GTF2F2: variants seen among roughly 807,000 people sequenced by gnomAD.
GTF2F2 encodes ATP-dependent helicase GTF2F2.
In GTF2F2, 23 loss-of-function variants were observed where a neutral mutation model predicts 42.2. That is an observed-to-expected ratio of 0.55 (90% CI 0.39 to 0.77). The LOEUF (loss-of-function observed/expected upper bound fraction) is 0.77. GTF2F2 is among the 30% of genes least tolerant of loss of function. GTF2F2 has a pLI of 0.00. For synonymous variants in GTF2F2, 105 were observed against 100.8 expected (o/e 1.04, Z -0.25); for missense variants, 261 against 287.2 (o/e 0.91, Z 0.66).
chr13:45,196,727 C>A (rs1421770942), intron 4 of GTF2F2, among the ~76,000 whole-genome samples: 1 of 152,168 alleles, frequency 6.6e-6, no homozygotes, highest in Non-Finnish European at 1.5e-5. Flanking sequence ...ACTATGTACT[C>A]TGGGTCTGCT....
chr13:45,149,663 A>C (rs905207118), intron 2 of GTF2F2, 107 bp from the exon 3 acceptor site: 1 of 1,125,308 alleles, frequency 8.9e-7, no homozygotes. Context: ...ATCTCTGTAA[A>C]TGTAATATTT....
At chr13:45,162,713 A>G (rs1431772602) in intron 4 of GTF2F2, among the ~76,000 whole-genome samples, 1 of 152,238 alleles carries the variant, frequency 6.6e-6, no homozygotes, top group African/African-American at 2.4e-5. Context: ...GGAGGATTAA[A>G]AGAAACCGCA....
At chr13:45,264,071 AAC>A (rs1403759017) in intron 6 of GTF2F2, among the ~76,000 whole-genome samples, 1 of 152,158 alleles carries the variant, frequency 6.6e-6, no homozygotes. Context: ...GAAGAAAAAA[AAC>A]AGTTTTTGTT....
At chr13:45,242,280 T>C (rs532012695) in intron 5 of GTF2F2, among the ~76,000 whole-genome samples, 1 of 146,286 alleles carries the variant, frequency 6.8e-6, no homozygotes. Context: ...TTTTTTTTTT[T>C]AACTTGACTT....
intron 5 of GTF2F2, among the ~76,000 whole-genome samples, chr13:45,231,417 T>C (rs1397862640): frequency 6.6e-6 from 1 of 152,196 alleles, no homozygotes; most frequent in East Asian, 1.9e-4. Flanking sequence ...TTTTCATTCT[T>C]GAATTTAAAG....
At chr13:45,236,457 T>C (rs1252783783) in intron 5 of GTF2F2, among the ~76,000 whole-genome samples, 1 of 151,348 alleles carries the variant, frequency 6.6e-6, no homozygotes, top group East Asian at 1.9e-4. Flanking sequence ...TGCTAAGTGC[T>C]CTCTAAATTG....
At chr13:45,239,890 T>A (rs1425798374) in intron 5 of GTF2F2, among the ~76,000 whole-genome samples, 2 of 152,098 alleles carry the variant, frequency 1.3e-5, no homozygotes, top group South Asian at 2.1e-4. Context: ...AATCTTGAAT[T>A]TTTTCCCCCA....
chr13:45,193,863 G>A (rs1383872190), intron 4 of GTF2F2: 3 of 1,613,990 alleles, frequency 1.9e-6, no homozygotes, highest in Non-Finnish European at 2.5e-6. Flanking sequence ...GCAGTCTAAA[G>A]CCACACTTTA....
At chr13:45,225,646 T>C (rs1000414874) in intron 5 of GTF2F2, among the ~76,000 whole-genome samples, 2 of 149,532 alleles carry the variant, frequency 1.3e-5, no homozygotes, top group Non-Finnish European at 3.0e-5. Context: ...AGCCTTGGCC[T>C]ATGACAAGCT....
chr13:45,258,464 A>C (rs1438191008), intron 6 of GTF2F2, among the ~76,000 whole-genome samples: 2 of 152,128 alleles, frequency 1.3e-5, no homozygotes, highest in African/African-American at 4.8e-5. Flanking sequence ...TTGGAAATGT[A>C]GCCTGCAGAC....
intron 6 of GTF2F2, among the ~76,000 whole-genome samples, chr13:45,258,308 A>T (rs779146350): frequency 1.3e-5 from 2 of 151,818 alleles, no homozygotes; most frequent in Admixed American, 6.6e-5. Flanking sequence ...GATGGGCTGG[A>T]GTTGCAAAAG....
At chr13:45,264,290 TTTTA>T (rs1329297043) in intron 6 of GTF2F2, among the ~76,000 whole-genome samples, 2 of 151,770 alleles carry the variant, frequency 1.3e-5, no homozygotes, top group African/African-American at 4.8e-5. Flanking sequence ...TTTTTTATTT[TTTTA>T]TTTTTTTGAG....
chr13:45,270,922 T>C (rs1041418640), intron 7 of GTF2F2, among the ~76,000 whole-genome samples: 20 of 152,332 alleles, frequency 1.3e-4, no homozygotes, highest in African/African-American at 4.8e-4. Context: ...ACTTCAACAC[T>C]CTGTTTTCTA....
At chr13:45,131,078 C>T (rs1028077546) in intron 1 of GTF2F2, among the ~76,000 whole-genome samples, 1 of 152,064 alleles carries the variant, frequency 6.6e-6, no homozygotes, top group Non-Finnish European at 1.5e-5. Context: ...CATGGAGAAA[C>T]CCCGTCTCTG....
At chr13:45,234,066 T>A (rs1293083522) in intron 5 of GTF2F2, among the ~76,000 whole-genome samples, 1 of 152,218 alleles carries the variant, frequency 6.6e-6, no homozygotes, top group Non-Finnish European at 1.5e-5. Flanking sequence ...GCAACGCAGA[T>A]CATCATATTA....
chr13:45,121,029 A>G (rs533461454), intron 1 of GTF2F2, among the ~76,000 whole-genome samples: 1 of 152,178 alleles, frequency 6.6e-6, no homozygotes, highest in Non-Finnish European at 1.5e-5. Flanking sequence ...CCCAGACTGA[A>G]GAATTCCTTG....
At chr13:45,245,331 C>T (rs759310015) in intron 5 of GTF2F2, among the ~76,000 whole-genome samples, 1 of 151,356 alleles carries the variant, frequency 6.6e-6, no homozygotes, top group African/African-American at 2.4e-5. Flanking sequence ...TTTTGAGGAA[C>T]AGGTGGTGTT....
At chr13:45,241,505 A>G (rs114701058) in intron 5 of GTF2F2, among the ~76,000 whole-genome samples, 1,892 of 152,266 alleles carry the variant, frequency 0.012, 42 homozygotes, top group African/African-American at 0.04. Context: ...GCAATTAAGC[A>G]CTTGAAATGT....
chr13:45,135,008 C>T (rs561701468), intron 1 of GTF2F2, among the ~76,000 whole-genome samples: 32 of 151,344 alleles, frequency 2.1e-4, no homozygotes, highest in African/African-American at 7.5e-4. Flanking sequence ...GGCTGGAGTG[C>T]AGTGGTGTAA....
Sources: allele counts gnomAD v4.1 joint callset (sites outside exome capture counted in the v4.1 genomes callset), GRCh38; gene constraint gnomAD v4.1.1; transcripts MANE v1.5; gene names NCBI Gene and HGNC (gene_info 2026-07-23, HGNC 2026-07-21).